Variants in PRH1 observed in about 807,000 individuals in gnomAD.
The protein encoded by PRH1 is salivary acidic proline-rich phosphoprotein 1/2.
A neutral mutation model predicts 7.9 loss-of-function variants in PRH1; 7 were observed. That is an observed-to-expected ratio of 0.89 (90% CI 0.50 to 1.67). The LOEUF (loss-of-function observed/expected upper bound fraction) is 1.67, where lower values mean the gene tolerates loss of function less well. Among genes scored for constraint, PRH1 ranks in the 40% most tolerant of loss-of-function variants. PRH1 has a pLI of 0.00. For missense variants in PRH1, 109 were observed against 223.6 expected (o/e 0.49, Z 3.27); for synonymous variants, 45 against 80.8 (o/e 0.56, Z 2.38).
At chr12:11,028,602 T>C (rs1283824985) in intron 1 of PRH1, among the ~76,000 whole-genome samples, 1 of 152,248 alleles carries the variant, frequency 6.6e-6, no homozygotes. Context: ...TTTTTTGAAA[T>C]GAAATGTCAT....
intron 1 of PRH1, among the ~76,000 whole-genome samples, chr12:11,099,594 G>C (rs982163971): frequency 6.6e-6 from 1 of 152,132 alleles, no homozygotes; most frequent in African/African-American, 2.4e-5. Flanking sequence ...CTACTCAGAA[G>C]GGTGAGGCAG....
chr12:10,936,046 G>A (rs1950282809), intron 2 of PRH1, among the ~76,000 whole-genome samples: 1 of 151,928 alleles, frequency 6.6e-6, no homozygotes, highest in Admixed American at 6.6e-5. Context: ...GAATTTTCAT[G>A]GGGCATTCGA....
intron 1 of PRH1, among the ~76,000 whole-genome samples, chr12:11,065,208 G>T (rs1943758611): frequency 6.6e-6 from 1 of 152,108 alleles, no homozygotes. Context: ...CATTTAGACA[G>T]TTATTCCCTT....
At chr12:11,150,380 T>C (rs992241118) in intron 1 of PRH1, among the ~76,000 whole-genome samples, 13 of 152,136 alleles carry the variant, frequency 8.5e-5, no homozygotes, top group South Asian at 2.1e-4. Context: ...CGTATGTTTA[T>C]TGCAGCACTA....
intron 1 of PRH1, among the ~76,000 whole-genome samples, chr12:11,052,816 T>G (rs1943201238): frequency 6.6e-6 from 1 of 152,180 alleles, no homozygotes; most frequent in South Asian, 2.1e-4. Flanking sequence ...ATTGTTTTAG[T>G]GTTCAGAATA....
upstream of PRH1, among the ~76,000 whole-genome samples, chr12:10,887,391 A>T (rs1455991933): frequency 6.6e-6 from 1 of 152,162 alleles, no homozygotes; most frequent in East Asian, 1.9e-4. Context: ...TGAGACTTCA[A>T]CTTGCTTTGA....
intron 1 of PRH1, chr12:10,986,389 A>G (rs1470898844): frequency 1.2e-6 from 2 of 1,614,086 alleles, no homozygotes. Context: ...TTTCCTTCAT[A>G]TTCTTCTGCC....
intron 1 of PRH1, among the ~76,000 whole-genome samples, chr12:11,146,033 C>T (rs1033714023): frequency 1.3e-5 from 2 of 152,078 alleles, no homozygotes; most frequent in African/African-American, 4.8e-5. Context: ...TACATAGATA[C>T]ATAGATATAA....
intron 1 of PRH1, among the ~76,000 whole-genome samples, chr12:10,974,310 C>T (rs1466416882): frequency 1.3e-5 from 2 of 152,240 alleles, no homozygotes; most frequent in Admixed American, 6.5e-5. Flanking sequence ...ACTACTGATG[C>T]TGCTGGCATG....
chr12:10,935,111 A>C (rs547776997), intron 2 of PRH1, among the ~76,000 whole-genome samples: 1 of 152,280 alleles, frequency 6.6e-6, no homozygotes, highest in East Asian at 1.9e-4. Context: ...ATAACTCCTG[A>C]ATGCTGAGTG....
chr12:11,124,067 T>C (rs1387237703), intron 1 of PRH1, among the ~76,000 whole-genome samples: 2 of 152,316 alleles, frequency 1.3e-5, no homozygotes, highest in East Asian at 1.9e-4. Flanking sequence ...ATCTTGGAAT[T>C]TACCTTCAAT....
intron 2 of PRH1, among the ~76,000 whole-genome samples, chr12:10,904,694 T>C (rs1038316678): frequency 6.6e-6 from 1 of 152,096 alleles, no homozygotes; most frequent in Non-Finnish European, 1.5e-5. Flanking sequence ...CTAATTAAAC[T>C]AAAGAATTTC....
chr12:10,915,868 T>A (rs927686573), intron 2 of PRH1, among the ~76,000 whole-genome samples: 5 of 152,198 alleles, frequency 3.3e-5, no homozygotes, highest in African/African-American at 1.2e-4. Context: ...ACCACCTCAG[T>A]TTGGAGCTTT....
Position 10,934,092 on chromosome 12 carries a change from G to T in PRH1, c.-59+39563C>A, listed in dbSNP as rs145101559. ...CAGCTAGTAAATATAATAAGAAAAT[G>T]ATTATTCACAAAGGAACCAAAAGGC... On this transcript the variant is annotated intron_variant, in intron 2 of 3. Transcript: ENST00000539853. Among the ~76,000 whole-genome samples, 253 of 152,254 alleles carry T rather than the reference G, an allele frequency of 1.7e-3. 2 individuals carry two copies. Among genetic ancestry groups the T allele is most frequent in the African/African-American group, 5.7e-3 (238 of 41,574 alleles).
intron 1 of PRH1, among the ~76,000 whole-genome samples, chr12:11,003,983 T>A (rs958345865): frequency 1.3e-5 from 2 of 152,152 alleles, no homozygotes; most frequent in African/African-American, 4.8e-5. Flanking sequence ...ACTTTAGCTA[T>A]TAAAACTCAG....
chr12:11,042,646 T>TC (rs1290459981), intron 1 of PRH1, among the ~76,000 whole-genome samples: 45 of 102,906 alleles, frequency 4.4e-4, no homozygotes, highest in Non-Finnish European at 9.4e-4. Context: ...TTTTTTTTTT[T>TC]TGAGGCAGAG....
rs182534460 is a variant in PRH1 at position 11,062,055 on chromosome 12, T to C, written n.124-14867A>G. 1,131 of 1,613,726 alleles carry C rather than the reference T, an allele frequency of 7.0e-4. 12 individuals are homozygous for C. In the African/African-American group the frequency reaches 0.013, roughly 19 times the overall value. The stretch of plus-strand genomic sequence containing the variant: ...CCCAGACATTGTAAGCAGTAATTCT[T>C]ACTTCTATACTGTTAAAAGCTGGAT... On this transcript the variant is annotated intron_variant and non_coding_transcript_variant, in intron 1 of 4. Transcript: ENST00000541977.
intron 1 of PRH1, among the ~76,000 whole-genome samples, chr12:11,004,370 G>A (rs987499404): frequency 3.9e-5 from 6 of 152,032 alleles, no homozygotes; most frequent in Admixed American, 1.3e-4. Flanking sequence ...GCCTGGTGTG[G>A]TGATGCACAC....
chr12:10,950,272 A>G (rs554734716), intron 2 of PRH1, among the ~76,000 whole-genome samples: 94 of 152,274 alleles, frequency 6.2e-4, no homozygotes, highest in Non-Finnish European at 1.2e-3. Flanking sequence ...GTGATCCTCC[A>G]TCATAATCAG....
Sources: gnomAD v4.1 joint callset for allele counts (sites outside exome capture counted in the v4.1 genomes callset) on GRCh38, gnomAD v4.1.1 for gene constraint, MANE v1.5 for transcripts, NCBI Gene and HGNC (gene_info 2026-07-23, HGNC 2026-07-21) for gene names.